The following ADGRB3 variants were observed in gnomAD, a reference collection of about 807,000 sequenced individuals.
ADGRB3 encodes adhesion G protein-coupled receptor B3.
Under a neutral mutation model 193.4 loss-of-function variants are expected in ADGRB3, and 37 were observed. The ratio of observed to expected loss-of-function variants is 0.19; its 90% CI spans 0.15 to 0.25. The LOEUF (loss-of-function observed/expected upper bound fraction) is 0.25. Ranked by LOEUF, ADGRB3 falls within the 10% of genes least tolerant of loss-of-function variation. The probability of loss-of-function intolerance (pLI) is 1.00; values close to 1 mark genes in which losing one functional copy is unlikely to be tolerated. For synonymous variants in ADGRB3, 690 were observed against 644.2 expected (o/e 1.07, Z -1.08); for missense variants, 1,637 against 1,852.9 (o/e 0.88, Z 2.14).
rs772245703 is a variant in ADGRB3, at chr6:69,361,328, A to G, written c.4055A>G (p.Asn1352Ser). 1.2e-6 allele frequency: 2 copies of G among 1,612,968 alleles called. No individual in the cohort carries two copies. Among genetic ancestry groups the G allele is most frequent in the South Asian group, 2.2e-5 (2 of 91,068 alleles). ...HYKVNPEFNM[N>S]PPVMDQFNMN... ...AAAGTAAACCCTGAATTCAATATGA[A>G]TCCCCCTGTAATGGACCAGTTCAAT... is the stretch of plus-strand genomic sequence containing the variant. The change falls in exon 29 of 32, where the codon AAT (asparagine) becomes AGT (serine). Residue 1352 changes from asparagine to serine, a missense_variant. This residue lies in a region of ADGRB3 where 368 missense variants were observed against 367.4 expected (regional missense o/e 1.00). Coordinates refer to ENST00000370598, the MANE Select transcript of ADGRB3 (RefSeq NM_001704.3).
chr6:68,932,324 A>G (rs1392046198), intron 4 of ADGRB3, among the ~76,000 whole-genome samples: 1 of 152,210 alleles, frequency 6.6e-6, no homozygotes, highest in Admixed American at 6.6e-5. Flanking sequence ...TATGCAATTT[A>G]GCCAAAAGTT....
chr6:69,281,289 A>G (rs944398236), intron 20 of ADGRB3, among the ~76,000 whole-genome samples: 1 of 152,214 alleles, frequency 6.6e-6, no homozygotes, highest in African/African-American at 2.4e-5. Context: ...GCCCACATTT[A>G]TTAGAAAATT....
At chr6:68,909,762 G>T (rs576492392) in intron 3 of ADGRB3, among the ~76,000 whole-genome samples, 1 of 152,120 alleles carries the variant, frequency 6.6e-6, no homozygotes, top group Non-Finnish European at 1.5e-5. Context: ...ATATCCTTCT[G>T]TAGGTAGATG....
At chr6:69,021,332 C>T (rs2150288632) in intron 13 of ADGRB3, among the ~76,000 whole-genome samples, 1 of 151,928 alleles carries the variant, frequency 6.6e-6, no homozygotes, top group African/African-American at 2.4e-5. Flanking sequence ...AGATAGTACA[C>T]TCCTGAAGGA....
chr6:69,369,695 CAA>C (rs913608447), intron 29 of ADGRB3, among the ~76,000 whole-genome samples: 15 of 59,492 alleles, frequency 2.5e-4, no homozygotes, highest in Admixed American at 1.5e-4. Context: ...AAGACCATTT[CAA>C]AAAAAAAAAA....
intron 17 of ADGRB3, among the ~76,000 whole-genome samples, chr6:69,104,202 A>G (rs1773146614): frequency 8.3e-6 from 1 of 120,008 alleles, no homozygotes; most frequent in Non-Finnish European, 1.7e-5. Flanking sequence ...CGACCCCACA[A>G]CAGTCCCCAG....
intron 3 of ADGRB3, among the ~76,000 whole-genome samples, chr6:68,887,956 T>G (rs899067536): frequency 2.0e-5 from 3 of 152,184 alleles, no homozygotes; most frequent in Non-Finnish European, 4.4e-5. Flanking sequence ...TGACAAGAGC[T>G]GAGTTTTCAC....
chr6:69,380,765 T>C (rs1027480709), intron 30 of ADGRB3, among the ~76,000 whole-genome samples: 6 of 151,966 alleles, frequency 3.9e-5, no homozygotes, highest in African/African-American at 1.4e-4. Context: ...TGAATTATTA[T>C]GGCTGTGTCC....
chr6:68,790,423 C>G (rs1767077829), intron 3 of ADGRB3, among the ~76,000 whole-genome samples: 1 of 152,212 alleles, frequency 6.6e-6, no homozygotes, highest in Non-Finnish European at 1.5e-5. Context: ...CCCTCTCTGA[C>G]AGCTTTGAAG....
intron 3 of ADGRB3, among the ~76,000 whole-genome samples, chr6:68,894,117 A>C (rs535316914): frequency 1.5e-3 from 234 of 152,100 alleles, no homozygotes; most frequent in Non-Finnish European, 2.7e-3. Context: ...TTTATTTCAA[A>C]ATCCTTTTTT....
At position 68,988,168 on chromosome 6, in the gene ADGRB3, G is replaced by T. The variant is rs1769133332; in HGVS notation, c.1735-5600G>T. On this transcript the variant is annotated intron_variant, in intron 10 of 31. Transcript: ENST00000370598. Reference sequence around the variant, plus strand: ...TTATAGTGGAAACAAAGATGAAGAAGAAACTACAGGCTCTTTAGGAGTTTA... The same window carrying T: ...TTATAGTGGAAACAAAGATGAAGAATAAACTACAGGCTCTTTAGGAGTTTA... 2.0e-5 allele frequency among the ~76,000 whole-genome samples: 3 copies of T among 152,082 alleles called. No individual in the cohort carries two copies. In the South Asian group the frequency reaches 6.2e-4, roughly 32 times the overall value.
At chr6:68,778,546 T>G (rs1309820558) in intron 3 of ADGRB3, among the ~76,000 whole-genome samples, 2 of 152,100 alleles carry the variant, frequency 1.3e-5, no homozygotes, top group Non-Finnish European at 1.5e-5. Flanking sequence ...TTTCAACTCT[T>G]CCAGTGTCAT....
At chr6:69,169,739 T>C (rs894280035) in intron 17 of ADGRB3, among the ~76,000 whole-genome samples, 1 of 152,136 alleles carries the variant, frequency 6.6e-6, no homozygotes, top group Non-Finnish European at 1.5e-5. Context: ...TCTATAACTA[T>C]TGGTTCCCAA....
chr6:69,368,386 G>A (rs910815509), intron 29 of ADGRB3, among the ~76,000 whole-genome samples: 1 of 152,048 alleles, frequency 6.6e-6, no homozygotes, highest in African/African-American at 2.4e-5. Flanking sequence ...AGAACAAGAC[G>A]TATTTCAGAG....
At chr6:68,699,058 A>C (rs1257250023) in intron 3 of ADGRB3, among the ~76,000 whole-genome samples, 1 of 152,160 alleles carries the variant, frequency 6.6e-6, no homozygotes, top group Admixed American at 6.6e-5. Flanking sequence ...TTTTAAAATG[A>C]ATCATTTATT....
rs1474553678 is a variant in ADGRB3, at chr6:68,638,708, A to G, written c.33A>G (p.Ile11Met). The change falls in exon 3 of 32, where the codon ATA becomes ATG. Residue 11 changes from isoleucine (I) to methionine (M), a missense_variant. By Grantham distance (10) the Ile-to-Met change is conservative. This residue lies in a region of ADGRB3 where 365 missense variants were observed against 409.8 expected (regional missense o/e 0.89). Coordinates refer to ENST00000370598, the MANE Select transcript of ADGRB3 (RefSeq NM_001704.3). MKAVRNLLIYIFSTYLLVMFG... is the reference protein window; with the variant it reads MKAVRNLLIYMFSTYLLVMFG... ...CTGTTCGTAACCTGCTGATTTATAT[A>G]TTTTCCACCTATCTCCTGGTTATGT... The G allele has an allele frequency of 6.2e-7, 1 of 1,613,944 alleles. No homozygotes were observed. Among genetic ancestry groups the G allele is most frequent in the Admixed American group, 1.7e-5 (1 of 59,986 alleles).
intron 20 of ADGRB3, among the ~76,000 whole-genome samples, chr6:69,251,960 A>C (rs1766632515): frequency 6.6e-6 from 1 of 152,202 alleles, no homozygotes; most frequent in Admixed American, 6.6e-5. Context: ...CATACATAAT[A>C]TGATGAGGTT....
intron 13 of ADGRB3, among the ~76,000 whole-genome samples, chr6:69,035,963 G>A (rs1770856445): frequency 6.6e-6 from 1 of 152,172 alleles, no homozygotes; most frequent in Non-Finnish European, 1.5e-5. Flanking sequence ...GAAATCCAGA[G>A]TTAAGCTTTG....
chr6:68,962,432 A>T (rs1485738317), intron 8 of ADGRB3, among the ~76,000 whole-genome samples: 1 of 152,168 alleles, frequency 6.6e-6, no homozygotes, highest in Non-Finnish European at 1.5e-5. Context: ...TGCTATGGAG[A>T]TAATTATTGT....
Sources: gnomAD v4.1 joint callset for allele counts (sites outside exome capture counted in the v4.1 genomes callset) on GRCh38, gnomAD v4.1.1 for gene constraint, gnomAD v4.1.1 regional missense constraint, MANE v1.5 for transcripts, NCBI Gene and HGNC (gene_info 2026-07-23, HGNC 2026-07-21) for gene names.